The following ATG10 variants were observed in gnomAD, a reference collection of about 807,000 sequenced individuals.
The protein encoded by ATG10 is ubiquitin-like-conjugating enzyme ATG10.
A neutral mutation model predicts 32.1 loss-of-function variants in ATG10; 30 were observed. The ratio of observed to expected loss-of-function variants is 0.94; its 90% CI spans 0.70 to 1.27. The LOEUF is 1.27. Ranked by LOEUF, ATG10 falls within the 50% of genes most tolerant of loss-of-function variation. The pLI is 0.00. For synonymous variants in ATG10, 87 were observed against 91.5 expected (o/e 0.95, Z 0.28); for missense variants, 233 against 262.3 (o/e 0.89, Z 0.77).
At chr5:82,244,482 T>C (rs761563854) in intron 5 of ATG10, among the ~76,000 whole-genome samples, 9 of 152,144 alleles carry the variant, frequency 5.9e-5, no homozygotes, top group Admixed American at 1.3e-4. Context: ...AAGCGCTTAA[T>C]ACGGTGCCTG....
intron 5 of ATG10, among the ~76,000 whole-genome samples, chr5:82,196,575 G>A (rs909077961): frequency 6.6e-6 from 1 of 152,048 alleles, no homozygotes; most frequent in African/African-American, 2.4e-5. Context: ...AATGAGGTAG[G>A]GGTGCAAATT....
At chr5:82,221,479 A>C (rs1289504987) in intron 5 of ATG10, among the ~76,000 whole-genome samples, 7 of 152,186 alleles carry the variant, frequency 4.6e-5, no homozygotes, top group Non-Finnish European at 4.4e-5. Context: ...TACCAAGTGC[A>C]GTGATAATTT....
At chr5:82,039,729 A>G (rs1351674715) in intron 2 of ATG10, among the ~76,000 whole-genome samples, 1 of 152,256 alleles carries the variant, frequency 6.6e-6, no homozygotes, top group Non-Finnish European at 1.5e-5. Context: ...GAAAGTATGC[A>G]ATTCATGTTT....
intron 5 of ATG10, among the ~76,000 whole-genome samples, chr5:82,223,168 G>GT (rs1745995150): frequency 1.3e-5 from 2 of 152,106 alleles, no homozygotes; most frequent in Non-Finnish European, 1.5e-5. Context: ...TTTGCTATCT[G>GT]TTTTTTTGTT....
intron 3 of ATG10, chr5:82,111,245 A>G (rs1280276576): frequency 6.6e-6 from 1 of 151,954 alleles, no homozygotes; most frequent in Non-Finnish European, 1.5e-5. Context: ...TCCTCACCAT[A>G]ATTTTTTTAC....
At chr5:82,093,757 T>G (rs1385505069) in intron 3 of ATG10, among the ~76,000 whole-genome samples, 1 of 152,212 alleles carries the variant, frequency 6.6e-6, no homozygotes, top group Non-Finnish European at 1.5e-5. Context: ...TTTTGAACTT[T>G]GTTTTGGGGT....
intron 2 of ATG10, among the ~76,000 whole-genome samples, chr5:82,054,476 G>A (rs1007337572): frequency 6.6e-6 from 1 of 152,146 alleles, no homozygotes; most frequent in African/African-American, 2.4e-5. Context: ...CAAAGCACTG[G>A]CCCACACCAG....
intron 3 of ATG10, among the ~76,000 whole-genome samples, chr5:82,136,601 A>C (rs1370102232): frequency 6.6e-6 from 1 of 152,176 alleles, no homozygotes; most frequent in East Asian, 1.9e-4. Context: ...ATCCACTGTT[A>C]GTCTGATGGG....
intron 2 of ATG10, among the ~76,000 whole-genome samples, chr5:82,047,348 G>A (rs1413494251): frequency 6.6e-6 from 1 of 152,172 alleles, no homozygotes; most frequent in Admixed American, 6.5e-5. Flanking sequence ...AAAAATGAAA[G>A]AGGGAAAAGA....
intron 2 of ATG10, among the ~76,000 whole-genome samples, chr5:82,027,985 GAGATTGGTTCCAA>G (rs1199940049): frequency 6.6e-6 from 1 of 152,186 alleles, no homozygotes; most frequent in Non-Finnish European, 1.5e-5. Flanking sequence ...AGCTCTTTTT[GAGATTGGTTCCAA>G]CAATGTTAGA....
intron 2 of ATG10, among the ~76,000 whole-genome samples, chr5:82,048,778 G>A (rs150041952): frequency 0.062 from 9,500 of 152,240 alleles, 379 homozygotes; most frequent in Non-Finnish European, 0.09. Flanking sequence ...CATTTATGCA[G>A]CCAAAAGCAC....
At chr5:82,164,088 G>A (rs933572435) in intron 3 of ATG10, among the ~76,000 whole-genome samples, 3 of 152,012 alleles carry the variant, frequency 2.0e-5, no homozygotes, top group Non-Finnish European at 4.4e-5. Context: ...TCATCTTGTT[G>A]CTAAAATTGT....
intron 3 of ATG10, among the ~76,000 whole-genome samples, chr5:82,085,277 G>T (rs1379505705): frequency 1.3e-5 from 2 of 152,034 alleles, no homozygotes; most frequent in Non-Finnish European, 2.9e-5. Context: ...AACAAGAAGA[G>T]CTAACACTCC....
At chr5:82,071,316 C>A (rs188329127) in intron 3 of ATG10, among the ~76,000 whole-genome samples, 1 of 152,250 alleles carries the variant, frequency 6.6e-6, no homozygotes, top group African/African-American at 2.4e-5. Context: ...ATAAGTCAGA[C>A]TGACTTAAAA....
chr5:82,252,495 C>T (rs41271127), intron 5 of ATG10, 67 bp from the exon 6 acceptor site: 61,161 of 911,546 alleles, frequency 0.067, 2,352 homozygotes, highest in South Asian at 0.083. Flanking sequence ...AGGAGTAAAC[C>T]AGATAAATTA....
At chr5:82,136,793 T>C (rs1051416260) in intron 3 of ATG10, among the ~76,000 whole-genome samples, 2 of 152,230 alleles carry the variant, frequency 1.3e-5, no homozygotes, top group Admixed American at 6.5e-5. Context: ...CTGGATAATA[T>C]CCTGAAGAGT....
chr5:82,097,443 A>G (rs1413251953), intron 3 of ATG10, among the ~76,000 whole-genome samples: 1 of 152,182 alleles, frequency 6.6e-6, no homozygotes, highest in Admixed American at 6.6e-5. Context: ...CACAGTATTT[A>G]CTCAAAGAAG....
At chr5:82,090,781 G>T (rs1024434079) in intron 3 of ATG10, among the ~76,000 whole-genome samples, 1 of 152,248 alleles carries the variant, frequency 6.6e-6, no homozygotes, top group Non-Finnish European at 1.5e-5. Context: ...GAGAAATTGA[G>T]TAAAGGACAT....
intron 3 of ATG10, among the ~76,000 whole-genome samples, chr5:82,105,204 A>G (rs1765409034): frequency 6.6e-6 from 1 of 152,096 alleles, no homozygotes; most frequent in African/African-American, 2.4e-5. Context: ...ATTGGATACT[A>G]CTGTTTCCTT....
Sources: gnomAD v4.1 joint callset for allele counts (sites outside exome capture counted in the v4.1 genomes callset) on GRCh38, gnomAD v4.1.1 for gene constraint, MANE v1.5 for transcripts, NCBI Gene and HGNC (gene_info 2026-07-23, HGNC 2026-07-21) for gene names.